The following ZNF208 variants were observed in gnomAD, a reference collection of about 807,000 sequenced individuals.
ZNF208 encodes the protein zinc finger protein 208.
ZNF208 carries 10 observed loss-of-function variants against 12.1 expected under a neutral mutation model. The ratio of observed to expected loss-of-function variants is 0.83; its 90% CI spans 0.51 to 1.40. The LOEUF (loss-of-function observed/expected upper bound fraction) is 1.40. ZNF208 is among the 40% of genes most tolerant of loss of function. ZNF208 has a pLI of 0.00. For synonymous variants in ZNF208, 497 were observed against 488.4 expected (o/e 1.02, Z -0.23); for missense variants, 1,652 against 1,485.0 (o/e 1.11, Z -1.85).
Position 21,970,112 on chromosome 19 carries a change from T to C in ZNF208, c.*1079A>G, listed in dbSNP as rs534535553. 2.6e-5 allele frequency among the ~76,000 whole-genome samples: 4 copies of C among 152,346 alleles called. No individual in the cohort carries two copies. The East Asian group carries it at 5.8e-4, about 22-fold the overall frequency. On this transcript the variant is annotated 3_prime_UTR_variant, in exon 4 of 4. Coordinates refer to ENST00000397126, the MANE Select transcript of ZNF208 (RefSeq NM_007153.3). ...TTCTTCACTTTTCTAGGATTTCTCATCTGTACGATTTCTTTTATATTCAGA... is the reference window on the plus strand; with the variant it reads ...TTCTTCACTTTTCTAGGATTTCTCACCTGTACGATTTCTTTTATATTCAGA...
rs1970210379 is a variant in ZNF208, at chr19:21,968,377, A to G, written c.*2814T>C. 1 of 152,144 alleles carries G rather than the reference A, an allele frequency of 6.6e-6. No homozygotes were observed. The highest frequency in any genetic ancestry group is 6.6e-5 in the Admixed American group (1 of 15,252). 9.4% of individuals were successfully genotyped at this position (152,144 alleles called of 1,614,324 possible). A position where few individuals can be genotyped will look rare whatever the true frequency, so the allele number is the denominator to read the frequency against. Reference sequence around the variant, plus strand: ...TGACTCTTATTAAGATATTTTCATCAATGTCCAGTGTGTTGACAACATTTT... The same window carrying G: ...TGACTCTTATTAAGATATTTTCATCGATGTCCAGTGTGTTGACAACATTTT... On this transcript the variant is annotated 3_prime_UTR_variant, in exon 4 of 4. Coordinates refer to ENST00000397126, the MANE Select transcript of ZNF208 (RefSeq NM_007153.3).
chr19:21,991,856 G>A (rs1970743192), intron 1 of ZNF208: 1 of 151,706 alleles, frequency 6.6e-6, no homozygotes, highest in South Asian at 2.1e-4. Context: ...AAATTTTAAT[G>A]TGTACAACAA....
downstream of ZNF208, among the ~76,000 whole-genome samples, chr19:21,962,964 T>A (rs1267271972): frequency 6.6e-6 from 1 of 152,104 alleles, no homozygotes; most frequent in Non-Finnish European, 1.5e-5. Context: ...GATAATAGTC[T>A]CATCTACGGT....
intron 1 of ZNF208, 41 bp downstream of exon 1, chr19:22,010,751 C>G (rs1971133498): frequency 6.2e-7 from 1 of 1,614,164 alleles, no homozygotes; most frequent in Non-Finnish European, 8.5e-7. Flanking sequence ...TTCCAAGCAG[C>G]CCGGGCCACT....
At chr19:21,959,726 A>G (rs1389273424) in intron 4 of ZNF208, among the ~76,000 whole-genome samples, 1 of 152,208 alleles carries the variant, frequency 6.6e-6, no homozygotes, top group African/African-American at 2.4e-5. Flanking sequence ...TAGCATAACT[A>G]TTGCACAAGA....
At chr19:21,982,517 A>G (rs531123871) in intron 3 of ZNF208, among the ~76,000 whole-genome samples, 1 of 152,190 alleles carries the variant, frequency 6.6e-6, no homozygotes, top group Non-Finnish European at 1.5e-5. Flanking sequence ...AAACCGCTTT[A>G]AATTTCATAC....
intron 1 of ZNF208, among the ~76,000 whole-genome samples, chr19:22,000,778 A>AT (rs1375338087): frequency 1.3e-5 from 2 of 152,126 alleles, no homozygotes; most frequent in Admixed American, 1.3e-4. Flanking sequence ...TATAAAATCT[A>AT]TTTTTTTAAA....
At chr19:21,962,712 T>A (rs534255849), downstream of ZNF208, among the ~76,000 whole-genome samples, 160 of 152,198 alleles carry the variant, frequency 1.1e-3, no homozygotes, top group South Asian at 0.013. Flanking sequence ...TTCTCAGAAA[T>A]AAACAACACT....
At chr19:21,976,284 C>T (rs987841431) in intron 3 of ZNF208, among the ~76,000 whole-genome samples, 5 of 152,078 alleles carry the variant, frequency 3.3e-5, no homozygotes, top group Admixed American at 6.6e-5. Context: ...TAATTTTTCA[C>T]CTGATTAAAA....
At chr19:21,976,978 A>G (rs1050899175) in intron 3 of ZNF208, among the ~76,000 whole-genome samples, 3 of 152,146 alleles carry the variant, frequency 2.0e-5, no homozygotes, top group African/African-American at 7.2e-5. Context: ...GCAAATATTA[A>G]TCAAATGAGA....
In ZNF208 at chr19:21,971,714, T is replaced by G. The variant is rs377745338; in HGVS notation, c.3320A>C (p.His1107Pro). 1.3e-5 allele frequency: 21 copies of G among 1,613,876 alleles called. No individual in the cohort carries two copies. The highest frequency in any genetic ancestry group is 1.8e-5 in the Non-Finnish European group (21 of 1,180,004). The change falls in exon 4 of 4, where the codon CAT (histidine) becomes CCT (proline). Residue 1107 changes from histidine (H) to proline (P), a missense_variant. His to Pro is a moderately conservative substitution (Grantham distance 77). Coordinates refer to ENST00000397126, the MANE Select transcript of ZNF208 (RefSeq NM_007153.3). ...ACATTTGTAGGGTTTCTCTCCAGTA[T>G]GAATTCTCTTATGTTCCATAAGGTT... is the stretch of plus-strand genomic sequence containing the variant. ...SSNLMEHKRI[H>P]TGEKPYKCEE...
chr19:21,974,900 T>C lies in ZNF208; in HGVS notation c.227-93A>G, dbSNP rs1347725940. The C allele has an allele frequency of 5.0e-6, 7 of 1,386,772 alleles. No individual in the cohort carries two copies. In the South Asian group the frequency reaches 1.0e-4, roughly 20 times the overall value. 85.9% of individuals were successfully genotyped at this position (1,386,772 alleles called of 1,614,324 possible). A position where few individuals can be genotyped will look rare whatever the true frequency, so the allele number is the denominator to read the frequency against. On this transcript the variant is annotated intron_variant, in intron 3 of 3. Coordinates refer to ENST00000397126, the MANE Select transcript of ZNF208 (RefSeq NM_007153.3). ...AAACTATAAAATTATTCAAACTACATAAGCAAGATGACACTGCAATATGAC... is the reference window on the plus strand; with the variant it reads ...AAACTATAAAATTATTCAAACTACACAAGCAAGATGACACTGCAATATGAC...
rs1160547125 is a variant in ZNF208, at chr19:21,999,512, G to T, written c.4-10603C>A. On this transcript the variant is annotated intron_variant, in intron 1 of 3. Coordinates refer to ENST00000397126, the MANE Select transcript of ZNF208 (RefSeq NM_007153.3). The stretch of plus-strand genomic sequence containing the variant: ...ATGTCAGCCAGCAAATAATCACCCT[G>T]GATAATCAGGTTTCTGCCAAAGAAC... Among the ~76,000 whole-genome samples, 3 of 152,028 alleles carry T rather than the reference G, an allele frequency of 2.0e-5. No individual in the cohort carries two copies. In the East Asian group the frequency reaches 5.8e-4, roughly 29 times the overall value.
rs754880331 is a variant in ZNF208 at position 21,988,922 on chromosome 19, AAC to A, written c.4-15_4-14del. 3.7e-6 allele frequency: 6 copies of A among 1,608,874 alleles called. No individual in the cohort carries two copies. The highest frequency in any genetic ancestry group is 4.2e-6 in the Non-Finnish European group (5 of 1,178,232). ...ATGTCAATGATCCCTGGAAAACACA[AAC>A]ACACATATTTATCAACTGGACATGG... On this transcript the variant is annotated splice_polypyrimidine_tract_variant and intron_variant, in intron 1 of 3. Coordinates refer to ENST00000397126, the MANE Select transcript of ZNF208 (RefSeq NM_007153.3).
In ZNF208 at chr19:21,971,258, C is replaced by T; in HGVS notation, c.3776G>A (p.Gly1259Asp). ...GACTGATAACCAGCTGAAGGCTTTG[C>T]CACATTCTTCACATTTGTAGGGTTT... ...GEKPYKCEECGKAFSWLSVFS... is the reference protein window; with the variant it reads ...GEKPYKCEECDKAFSWLSVFS... Residue 1259 changes from glycine to aspartate, a missense_variant, in exon 4 of 4, where the codon GGC becomes GAC. Physicochemically the swap from Gly to Asp is moderately conservative, Grantham distance 94. Around this residue, in one of 3 missense-constraint regions of ZNF208, gnomAD observed 1,239 missense variants for 1,086.2 expected, o/e 1.14. Transcript: ENST00000397126. 2.5e-6 allele frequency: 4 copies of T among 1,612,078 alleles called. No individual in the cohort carries two copies. Among genetic ancestry groups the T allele is most frequent in the Non-Finnish European group, 3.4e-6 (4 of 1,179,824 alleles).
At chr19:21,959,424 G>C (rs1970028081) in intron 4 of ZNF208, among the ~76,000 whole-genome samples, 1 of 152,142 alleles carries the variant, frequency 6.6e-6, no homozygotes, top group Non-Finnish European at 1.5e-5. Context: ...AGAAGGCCAT[G>C]ATTCACATTT....
At position 22,007,014 on chromosome 19, in the gene ZNF208, C is replaced by A. The variant is rs934142609; in HGVS notation, c.3+3778G>T. On this transcript the variant is annotated intron_variant, in intron 1 of 3. Coordinates refer to ENST00000397126, the MANE Select transcript of ZNF208 (RefSeq NM_007153.3). Reference sequence around the variant, plus strand: ...AGAAATCGAAAAACAGGATATAGAACAAAGATATTTATTTTTGCAAATTCA... The same window carrying A: ...AGAAATCGAAAAACAGGATATAGAAAAAAGATATTTATTTTTGCAAATTCA... Among the ~76,000 whole-genome samples, 50 of 151,988 alleles carry A rather than the reference C, an allele frequency of 3.3e-4. 1 individual carries two copies. The highest frequency in any genetic ancestry group is 5.8e-4 in the African/African-American group (24 of 41,392).
chr19:21,978,905 C>T (rs1970483587), intron 3 of ZNF208, among the ~76,000 whole-genome samples: 1 of 152,164 alleles, frequency 6.6e-6, no homozygotes, highest in Admixed American at 6.5e-5. Context: ...AGATGAAAAA[C>T]ACACCACGAG....
rs1970206871 is a variant in ZNF208, at chr19:21,968,205, TTC to T, written c.*2984_*2985del. On this transcript the variant is annotated 3_prime_UTR_variant, in exon 4 of 4. Transcript: ENST00000397126. ...TAAAGATAATTTGACTTTCTTTGTTTTCTGTTTGGATTCCTTTTATTCTCTGG... is the reference window on the plus strand; with the variant it reads ...TAAAGATAATTTGACTTTCTTTGTTTTGTTTGGATTCCTTTTATTCTCTGG... The T allele has an allele frequency of 1.3e-5, 2 of 152,156 alleles. No individual in the cohort carries two copies. The highest frequency in any genetic ancestry group is 1.3e-4 in the Admixed American group (2 of 15,258). 9.4% of individuals were successfully genotyped at this position (152,156 alleles called of 1,614,324 possible). A position where few individuals can be genotyped will look rare whatever the true frequency, so the allele number is the denominator to read the frequency against.
Sources: allele counts gnomAD v4.1 joint callset (sites outside exome capture counted in the v4.1 genomes callset), GRCh38; gene constraint gnomAD v4.1.1; regional missense constraint gnomAD v4.1.1; transcripts MANE v1.5; gene names NCBI Gene and HGNC (gene_info 2026-07-23, HGNC 2026-07-21).